The following AMPD1 variants were observed in gnomAD, a reference collection of about 807,000 sequenced individuals.
AMPD1 encodes AMP deaminase 1.
In AMPD1, 74 loss-of-function variants were observed where a neutral mutation model predicts 82.9. That is an observed-to-expected ratio of 0.89 (90% CI 0.74 to 1.08). The LOEUF (loss-of-function observed/expected upper bound fraction) is 1.08, where lower values mean the gene tolerates loss of function less well. AMPD1 is among the 50% of genes least tolerant of loss of function. AMPD1 has a pLI of 0.00. For synonymous variants in AMPD1, 333 were observed against 320.5 expected (o/e 1.04, Z -0.42); for missense variants, 881 against 924.5 (o/e 0.95, Z 0.61).
chr1:114,685,471 T>C (rs1658286264), intron 4 of AMPD1, among the ~76,000 whole-genome samples: 1 of 152,214 alleles, frequency 6.6e-6, no homozygotes, highest in Non-Finnish European at 1.5e-5. Flanking sequence ...TGAAGACTAA[T>C]TTGGGTACAG....
intron 12 of AMPD1, among the ~76,000 whole-genome samples, chr1:114,675,118 T>C (rs762372749): frequency 6.6e-6 from 1 of 152,160 alleles, no homozygotes; most frequent in Non-Finnish European, 1.5e-5. Context: ...TCAGTCTCAA[T>C]AGGAAATTTA....
At chr1:114,684,585 TG>T (rs1570848801) in intron 4 of AMPD1, 2 of 598,436 alleles carry the variant, frequency 3.3e-6, no homozygotes, top group Non-Finnish European at 5.9e-6. Context: ...CAAACTTACC[TG>T]TCCTACTAGT....
In AMPD1 at chr1:114,675,831, GC is replaced by G. The variant is rs771163678; in HGVS notation, c.1515+45del. 147 of 1,613,694 alleles carry G rather than the reference GC, an allele frequency of 9.1e-5. 1 individual carries two copies. The South Asian group carries it at 1.5e-3, about 17-fold the overall frequency. On this transcript the variant is annotated intron_variant, in intron 11 of 15. Coordinates refer to ENST00000520113, the MANE Select transcript of AMPD1 (RefSeq NM_000036.3). ...GAATTAGTCATGACCAGGTAGGAAG[GC>G]TGGTTCATGAGCAGCAGTATGAAGG...
intron 3 of AMPD1, among the ~76,000 whole-genome samples, chr1:114,688,356 G>T (rs1658380243): frequency 6.6e-6 from 1 of 152,158 alleles, no homozygotes; most frequent in Non-Finnish European, 1.5e-5. Context: ...TCAAATTCCT[G>T]TCCTCAAGTG....
intron 6 of AMPD1, 31 bp downstream of exon 6, chr1:114,680,199 AGTTGTTGTTTAGGTCTTGTAGTACTAGTT>A: frequency 1.4e-6 from 2 of 1,387,342 alleles, no homozygotes; most frequent in Non-Finnish European, 2.1e-6. Context: ...AAGTAGTACT[AGTTGTTGTTTAGGTCTTGTAGTACTAGTT>A]GTTGTTGTTT....
Position 114,680,397 on chromosome 1 carries a change from A to C in AMPD1, c.629T>G (p.Met210Arg). 1.9e-6 allele frequency: 3 copies of C among 1,614,208 alleles called. No homozygotes were observed. The highest frequency in any genetic ancestry group is 1.7e-6 in the Non-Finnish European group (2 of 1,180,040). The change falls in exon 6 of 16, where the codon ATG becomes AGG. Residue 210 changes from methionine to arginine, a missense_variant. Transcript: ENST00000520113. ...ATAGACGTAAACTACACCGTCCTTC[A>C]TTTTGAGGTGATAGCCCAGGTTTTC... The part of the protein sequence containing the change: ...LPENLGYHLK[M>R]KDGVVYVYPN...
chr1:114,694,502 A>C (rs1257993921), intron 1 of AMPD1, among the ~76,000 whole-genome samples: 1 of 152,130 alleles, frequency 6.6e-6, no homozygotes, highest in Non-Finnish European at 1.5e-5. Flanking sequence ...AAAACACTAA[A>C]ATGTTAAGAG....
At chr1:114,694,619 A>G (rs1397231614) in intron 1 of AMPD1, among the ~76,000 whole-genome samples, 3 of 152,108 alleles carry the variant, frequency 2.0e-5, no homozygotes, top group Non-Finnish European at 4.4e-5. Flanking sequence ...TGAGGCAGGC[A>G]GATTGCTTGA....
Position 114,673,108 on chromosome 1 carries a change from T to G in AMPD1, c.*6A>C. 6.2e-7 allele frequency: 1 copy of G among 1,605,460 alleles called. No homozygotes were observed. Among genetic ancestry groups the G allele is most frequent in the Non-Finnish European group, 8.5e-7 (1 of 1,172,732 alleles). ...TCACTCATATTATTATTTGGTTTAC[T>G]TTTTTTTATTCTGTTGATTTAAGAC... On this transcript the variant is annotated 3_prime_UTR_variant, in exon 16 of 16. Transcript: ENST00000520113.
In AMPD1 at chr1:114,675,668, T is replaced by C. The variant is rs755036028; in HGVS notation, c.1541A>G (p.Asp514Gly). ...CATGTGGCCACTGTGTTTGGACTCA[T>C]CATCCACACTGTCAAAGCCAGTGAT... ...KHITGFDSVD[D>G]ESKHSGHMFS... Residue 514 changes from aspartate to glycine, a missense_variant, in exon 12 of 16, where the codon GAT (aspartate) becomes GGT (glycine). By Grantham distance (94) the Asp-to-Gly change is moderately conservative. This residue lies in a region of AMPD1 where 783 missense variants were observed against 786.4 expected (regional missense o/e 1.00). Transcript: ENST00000520113. The C allele has an allele frequency of 2.1e-5, 34 of 1,614,078 alleles. No individual in the cohort carries two copies. The South Asian group carries it at 3.6e-4, about 17-fold the overall frequency.
At chr1:114,678,561 A>G (rs1220894668) in intron 7 of AMPD1, 34 bp from the exon 8 acceptor site, 9 of 1,579,508 alleles carry the variant, frequency 5.7e-6, no homozygotes, top group Non-Finnish European at 7.8e-6. Flanking sequence ...AAAAAACATC[A>G]ATCAGCCTTA....
At chr1:114,691,518 C>T (rs549035844) in intron 2 of AMPD1, among the ~76,000 whole-genome samples, 35 of 152,136 alleles carry the variant, frequency 2.3e-4, no homozygotes, top group South Asian at 2.1e-4. Context: ...CAGTAAGCCA[C>T]GTTTGCACCA....
Position 114,693,473 on chromosome 1 carries a change from T to C in AMPD1, c.23-26A>G, listed in dbSNP as rs376961287. 2.7e-5 allele frequency: 44 copies of C among 1,601,782 alleles called. 1 individual carries two copies. Among genetic ancestry groups the C allele is most frequent in the Non-Finnish European group, 3.5e-5 (41 of 1,169,266 alleles). ...CTGTATGAAGTAAAATAAAACAAGA[T>C]AAAATATGTGAACAACTTTCTGTAA... On this transcript the variant is annotated intron_variant, in intron 1 of 15. Transcript: ENST00000520113.
chr1:114,688,577 A>G lies in AMPD1; in HGVS notation c.199T>C (p.Ser67Pro), dbSNP rs1328142082. The change falls in exon 3 of 16, where the codon TCC becomes CCC. Residue 67 changes from serine to proline, a missense_variant. Coordinates refer to ENST00000520113, the MANE Select transcript of AMPD1 (RefSeq NM_000036.3). The part of the protein sequence containing the change: ...HIFHLETLST[S>P]TEARRKKRFQ... Reference sequence around the variant, plus strand: ...ACCACTTACCTCCTGGCTTCTGTGGAGGTGGACAGAGTCTCCAGATGGAAT... The same window carrying G: ...ACCACTTACCTCCTGGCTTCTGTGGGGGTGGACAGAGTCTCCAGATGGAAT... 7 of 1,614,040 alleles carry G rather than the reference A, an allele frequency of 4.3e-6. No individual in the cohort carries two copies. The highest frequency in any genetic ancestry group is 5.9e-6 in the Non-Finnish European group (7 of 1,180,036).
intron 2 of AMPD1, among the ~76,000 whole-genome samples, chr1:114,690,864 A>G (rs893772890): frequency 6.6e-6 from 1 of 152,134 alleles, no homozygotes; most frequent in Non-Finnish European, 1.5e-5. Context: ...GGTTATAAAG[A>G]TGAGAATGAG....
chr1:114,693,586 C>T (rs1658585111), intron 1 of AMPD1, 139 bp from the exon 2 acceptor site: 3 of 747,478 alleles, frequency 4.0e-6, no homozygotes, highest in Non-Finnish European at 7.1e-6. Context: ...CTACAGTTTT[C>T]TGCCATCAGA....
chr1:114,691,399 A>AT (rs11451311), intron 2 of AMPD1, among the ~76,000 whole-genome samples: 9,768 of 145,976 alleles, frequency 0.067, 416 homozygotes, highest in African/African-American at 0.11. Context: ...CCTCCACAAA[A>AT]TTTTTTTTTT....
chr1:114,674,126 G>A, intron 13 of AMPD1, 44 bp from the exon 14 acceptor site: 1 of 1,550,624 alleles, frequency 6.4e-7, no homozygotes, highest in South Asian at 1.1e-5. Context: ...GTTGAAAAAG[G>A]AATACAAACT....
intron 5 of AMPD1, among the ~76,000 whole-genome samples, chr1:114,682,153 C>T (rs1658177046): frequency 1.3e-5 from 2 of 152,006 alleles, no homozygotes; most frequent in Admixed American, 6.6e-5. Context: ...CTGCTGTGCC[C>T]GAGGAAGGCA....
Sources: allele counts gnomAD v4.1 joint callset (sites outside exome capture counted in the v4.1 genomes callset), GRCh38; gene constraint gnomAD v4.1.1; regional missense constraint gnomAD v4.1.1; transcripts MANE v1.5; gene names NCBI Gene and HGNC (gene_info 2026-07-23, HGNC 2026-07-21).